C10orf90: variants seen among roughly 807,000 people sequenced by gnomAD.
C10orf90 encodes the protein chromosome 10 open reading frame 90.
A neutral mutation model predicts 62.5 loss-of-function variants in C10orf90; 56 were observed. The ratio of observed to expected loss-of-function variants is 0.90; its 90% CI spans 0.72 to 1.12. C10orf90 has a LOEUF of 1.12. Among genes scored for constraint, C10orf90 ranks in the 50% most tolerant of loss-of-function variants. C10orf90 has a pLI of 0.00. For missense variants in C10orf90, 970 were observed against 880.4 expected (o/e 1.10, Z -1.29); for synonymous variants, 386 against 340.4 (o/e 1.13, Z -1.47).
rs556803622 is a variant in C10orf90 at position 126,471,181 on chromosome 10, G to A, written c.1535-6195C>T. On this transcript the variant is annotated intron_variant, in intron 4 of 9. Transcript: ENST00000488181. Reference sequence around the variant, plus strand: ...CAGCAAAAGCAGAGCTGGAGCTGGCGCCACTGGGAAAAGGAAGGAGAGAGA... The same window carrying A: ...CAGCAAAAGCAGAGCTGGAGCTGGCACCACTGGGAAAAGGAAGGAGAGAGA... 2.6e-5 allele frequency among the ~76,000 whole-genome samples: 4 copies of A among 152,268 alleles called. No individual in the cohort carries two copies. In the South Asian group the frequency reaches 8.3e-4, roughly 32 times the overall value.
At chr10:126,626,459 A>C (rs1347630581) in intron 2 of C10orf90, among the ~76,000 whole-genome samples, 2 of 152,210 alleles carry the variant, frequency 1.3e-5, no homozygotes, top group East Asian at 3.9e-4. Flanking sequence ...CAGGGGTACC[A>C]GACGCTTGGG....
intron 2 of C10orf90, among the ~76,000 whole-genome samples, chr10:126,533,930 A>T (rs1313417789): frequency 6.6e-6 from 1 of 152,206 alleles, no homozygotes; most frequent in Non-Finnish European, 1.5e-5. Flanking sequence ...GACCCAATCC[A>T]GAGTGTTTGG....
At position 126,504,171 on chromosome 10, in the gene C10orf90, G is replaced by C. The variant is rs1333140992; in HGVS notation, c.1320C>G (p.His440Gln). 6.2e-7 allele frequency: 1 copy of C among 1,614,038 alleles called. No homozygotes were observed. The highest frequency in any genetic ancestry group is 8.5e-7 in the Non-Finnish European group (1 of 1,180,046). The stretch of plus-strand genomic sequence containing the variant: ...GCCTCAACGATGGGGTTTCCTTCAA[G>C]TGACTTTCTTGTAAACCTGGGTTCC... Reference protein sequence around the residue: ...QRWNPGLQESHLKETPSLRRV... With the variant: ...QRWNPGLQESQLKETPSLRRV... Residue 440 changes from histidine (H) to glutamine (Q), a missense_variant, in exon 4 of 10, where the codon CAC becomes CAG. Physicochemically the swap from His to Gln is conservative, Grantham distance 24. Transcript: ENST00000488181. This position sits in a 1 kb window ranked among gnomAD's most constrained non-coding sequence, Gnocchi z 4.1.
intron 2 of C10orf90, among the ~76,000 whole-genome samples, chr10:126,554,437 A>C (rs1187990936): frequency 6.6e-6 from 1 of 152,160 alleles, no homozygotes; most frequent in Non-Finnish European, 1.5e-5. Flanking sequence ...ATTACTGGAC[A>C]TACTCTATTT....
intron 1 of C10orf90, among the ~76,000 whole-genome samples, chr10:126,659,849 C>A (rs1239245132): frequency 1.3e-5 from 2 of 152,254 alleles, no homozygotes; most frequent in Non-Finnish European, 2.9e-5. Context: ...AATCAACCAT[C>A]ATGCACCCTG....
chr10:126,564,956 A>AATATATATTAT (rs1564873697), intron 2 of C10orf90, among the ~76,000 whole-genome samples: 8 of 9,058 alleles, frequency 8.8e-4, no homozygotes, highest in Non-Finnish European at 1.4e-3. Context: ...TAATATATAA[A>AATATATATTAT]ATATAAAATA....
At chr10:126,620,668 C>A (rs1272942883) in intron 2 of C10orf90, among the ~76,000 whole-genome samples, 1 of 151,806 alleles carries the variant, frequency 6.6e-6, no homozygotes, top group Non-Finnish European at 1.5e-5. Flanking sequence ...AAATAGAAGA[C>A]CCTCCTTGGA....
intron 4 of C10orf90, among the ~76,000 whole-genome samples, chr10:126,491,346 T>C (rs1358167339): frequency 1.3e-5 from 2 of 152,154 alleles, no homozygotes; most frequent in Non-Finnish European, 2.9e-5. Flanking sequence ...GATTAAACCT[T>C]TTTAAGGTGA....
At chr10:126,569,531 G>A (rs530426025) in intron 2 of C10orf90, among the ~76,000 whole-genome samples, 1 of 152,256 alleles carries the variant, frequency 6.6e-6, no homozygotes, top group Admixed American at 6.5e-5. Context: ...TCAAACCCAG[G>A]CAGGCCACAG....
chr10:126,513,665 C>T (rs1863266192), intron 3 of C10orf90, among the ~76,000 whole-genome samples, 183 bp downstream of exon 3: 1 of 152,152 alleles, frequency 6.6e-6, no homozygotes, highest in Admixed American at 6.5e-5. Flanking sequence ...TGCAAGCTTA[C>T]AAATTGTTGC....
chr10:126,433,339 G>A (rs1300714110), intron 7 of C10orf90, among the ~76,000 whole-genome samples: 2 of 152,176 alleles, frequency 1.3e-5, no homozygotes, highest in Admixed American at 6.5e-5. Context: ...CATGGTGAGG[G>A]GAGACATCAG....
At chr10:126,610,513 T>C (rs750606019) in intron 2 of C10orf90, among the ~76,000 whole-genome samples, 3 of 152,174 alleles carry the variant, frequency 2.0e-5, no homozygotes, top group Admixed American at 6.5e-5. Flanking sequence ...TGGACTACCA[T>C]AGATCCAATG....
At chr10:126,585,398 A>AG in intron 2 of C10orf90, among the ~76,000 whole-genome samples, 1 of 130,082 alleles carries the variant, frequency 7.7e-6, no homozygotes, top group South Asian at 2.5e-4. Context: ...GAAAGAAGGA[A>AG]GAAAAGGAGG....
chr10:126,517,948 C>G (rs972562493), intron 2 of C10orf90, among the ~76,000 whole-genome samples: 4 of 148,394 alleles, frequency 2.7e-5, no homozygotes, highest in Non-Finnish European at 5.9e-5. Context: ...AAGGTCAGGA[C>G]AACTCTGCCT....
rs187658158 is a variant in C10orf90 at position 126,458,530 on chromosome 10, G to T, written c.2188+510C>A. Among the ~76,000 whole-genome samples, 66 of 152,288 alleles carry T rather than the reference G, an allele frequency of 4.3e-4. 1 individual carries two copies. The highest frequency in any genetic ancestry group is 2.9e-3 in the South Asian group (14 of 4,820). ...GGGTCTTGATAACTCCCTCTCCAGT[G>T]AGTAAGTAAGTGCCCTCCCTCACAG... On this transcript the variant is annotated intron_variant, in intron 7 of 9. Coordinates refer to ENST00000488181, the MANE Select transcript of C10orf90 (RefSeq NM_001350921.2).
At chr10:126,557,444 C>A (rs1231932451) in intron 2 of C10orf90, among the ~76,000 whole-genome samples, 1 of 148,296 alleles carries the variant, frequency 6.7e-6, no homozygotes. Flanking sequence ...CATGCCACTG[C>A]ACTCCAGCCT....
At chr10:126,616,635 C>T (rs1022545501) in intron 2 of C10orf90, among the ~76,000 whole-genome samples, 16 of 152,184 alleles carry the variant, frequency 1.1e-4, no homozygotes, top group African/African-American at 3.9e-4. Context: ...TGTCTACTAA[C>T]TTAACTCTGG....
At chr10:126,509,823 T>G (rs898350935) in intron 3 of C10orf90, among the ~76,000 whole-genome samples, 8 of 152,202 alleles carry the variant, frequency 5.3e-5, no homozygotes, top group African/African-American at 1.9e-4. Flanking sequence ...ATTAAATGAT[T>G]GAAGATAAGG....
intron 2 of C10orf90, among the ~76,000 whole-genome samples, chr10:126,616,587 G>A (rs998648587): frequency 3.1e-4 from 47 of 152,160 alleles, no homozygotes; most frequent in African/African-American, 1.1e-3. Flanking sequence ...GGAAAGCCAT[G>A]AGACATGAGC....
Sources: allele counts gnomAD v4.1 joint callset (sites outside exome capture counted in the v4.1 genomes callset), GRCh38; gene constraint gnomAD v4.1.1; non-coding constraint Gnocchi (gnomAD v3.1); transcripts MANE v1.5; gene names NCBI Gene and HGNC (gene_info 2026-07-23, HGNC 2026-07-21).